B3GALT1: variants seen among roughly 807,000 people sequenced by gnomAD.
The protein encoded by B3GALT1 is beta-1,3-galactosyltransferase 1.
Under a neutral mutation model 23.2 loss-of-function variants are expected in B3GALT1, and 10 were observed. That is an observed-to-expected ratio of 0.43 (90% CI 0.27 to 0.73). B3GALT1 has a LOEUF of 0.73. Among genes scored for constraint, B3GALT1 ranks in the 30% least tolerant of loss-of-function variants. B3GALT1 has a pLI of 0.21. For synonymous variants in B3GALT1, 156 were observed against 141.5 expected (o/e 1.10, Z -0.73); for missense variants, 299 against 405.4 (o/e 0.74, Z 2.25).
intron 1 of B3GALT1, among the ~76,000 whole-genome samples, chr2:167,341,420 G>T (rs568069844): frequency 6.6e-6 from 1 of 152,304 alleles, no homozygotes; most frequent in East Asian, 1.9e-4. Flanking sequence ...CCAGCACTTT[G>T]GGAGGCCAAG....
intron 4 of B3GALT1, among the ~76,000 whole-genome samples, chr2:167,862,057 T>C (rs1289226447): frequency 6.6e-6 from 1 of 152,200 alleles, no homozygotes; most frequent in Non-Finnish European, 1.5e-5. Flanking sequence ...CAATTCGGTG[T>C]AACTGGCAAC....
intron 3 of B3GALT1, among the ~76,000 whole-genome samples, chr2:167,683,779 C>T (rs1025052431): frequency 7.2e-5 from 11 of 151,990 alleles, no homozygotes; most frequent in Admixed American, 3.9e-4. Context: ...CAAAGACAAT[C>T]CAGCTTCTGA....
chr2:167,429,155 C>T (rs961184242), intron 1 of B3GALT1, among the ~76,000 whole-genome samples: 1 of 151,798 alleles, frequency 6.6e-6, no homozygotes, highest in African/African-American at 2.4e-5. Flanking sequence ...GTGGCGGGCA[C>T]CTGTAGTCCC....
At chr2:167,502,980 A>T (rs1417640983) in intron 2 of B3GALT1, among the ~76,000 whole-genome samples, 2 of 152,172 alleles carry the variant, frequency 1.3e-5, no homozygotes, top group Non-Finnish European at 2.9e-5. Context: ...CAGAGGTTGC[A>T]GTGAGCCGAG....
chr2:167,500,725 A>G (rs1244275174), intron 2 of B3GALT1, among the ~76,000 whole-genome samples: 1 of 152,154 alleles, frequency 6.6e-6, no homozygotes, highest in Non-Finnish European at 1.5e-5. Flanking sequence ...GTCTTTAACG[A>G]TGAATATTAC....
At chr2:167,452,651 C>T (rs989685550) in intron 1 of B3GALT1, among the ~76,000 whole-genome samples, 5 of 152,146 alleles carry the variant, frequency 3.3e-5, no homozygotes, top group South Asian at 2.1e-4. Context: ...CAAAAGTACA[C>T]GATGTGAGTC....
intron 2 of B3GALT1, among the ~76,000 whole-genome samples, chr2:167,523,782 A>G (rs1683169545): frequency 6.6e-6 from 1 of 152,060 alleles, no homozygotes; most frequent in Non-Finnish European, 1.5e-5. Context: ...AGAGCAGTAT[A>G]TACACGATGT....
intron 3 of B3GALT1, among the ~76,000 whole-genome samples, chr2:167,663,834 G>T (rs572664881): frequency 0.011 from 1,633 of 151,730 alleles, 33 homozygotes; most frequent in African/African-American, 0.037. Context: ...TAAATTTGTT[G>T]GAGTTCATTG....
At chr2:167,574,650 CAT>C (rs1410440033) in intron 2 of B3GALT1, among the ~76,000 whole-genome samples, 1 of 151,422 alleles carries the variant, frequency 6.6e-6, no homozygotes, top group African/African-American at 2.4e-5. Flanking sequence ...CAAATTATAC[CAT>C]GTTTGATTTT....
intron 2 of B3GALT1, among the ~76,000 whole-genome samples, chr2:167,532,741 A>G (rs1021353594): frequency 6.6e-6 from 1 of 152,134 alleles, no homozygotes; most frequent in African/African-American, 2.4e-5. Context: ...TTGCTAGTAA[A>G]TAAAACTACA....
intron 1 of B3GALT1, among the ~76,000 whole-genome samples, chr2:167,390,792 CTGAA>C (rs142085694): frequency 4.4e-4 from 67 of 151,256 alleles, no homozygotes; most frequent in Admixed American, 1.1e-3. Flanking sequence ...TAGTAAATAT[CTGAA>C]TGAATGAATG....
At chr2:167,443,126 T>A (rs925950901) in intron 1 of B3GALT1, among the ~76,000 whole-genome samples, 4 of 152,032 alleles carry the variant, frequency 2.6e-5, no homozygotes, top group Admixed American at 1.3e-4. Flanking sequence ...ATCTATTAAA[T>A]AGGGAATCCT....
chr2:167,714,900 A>T, intron 3 of B3GALT1: 1 of 1,611,282 alleles, frequency 6.2e-7, no homozygotes, highest in South Asian at 1.1e-5. Context: ...TTTTCTTGAT[A>T]TAGTTCAGTC....
chr2:167,362,473 TA>T (rs1403231612), intron 1 of B3GALT1, among the ~76,000 whole-genome samples: 1 of 152,228 alleles, frequency 6.6e-6, no homozygotes, highest in Non-Finnish European at 1.5e-5. Flanking sequence ...CCTGTTTTAA[TA>T]AGAGCATTTT....
chr2:167,732,423 C>T (rs2105266835), intron 3 of B3GALT1, among the ~76,000 whole-genome samples: 1 of 152,318 alleles, frequency 6.6e-6, no homozygotes, highest in East Asian at 1.9e-4. Context: ...ATTTTTAAAC[C>T]TTCAGCAGAT....
rs780101453 is a variant in B3GALT1, at chr2:167,871,255, C to G, written c.*1235C>G. The stretch of plus-strand genomic sequence containing the variant: ...AAAAATGGCTGTAAAAAACACCTAC[C>G]TCACAGGTGCTGTGAGAGCAAATTG... On this transcript the variant is annotated 3_prime_UTR_variant, in exon 5 of 5. Transcript: ENST00000392690. 7 of 152,172 alleles carry G rather than the reference C, an allele frequency of 4.6e-5. No individual in the cohort carries two copies. The highest frequency in any genetic ancestry group is 1.0e-4 in the Non-Finnish European group (7 of 68,036). The allele number at this position is 152,172 out of a possible 1,614,324, so 9.4% of individuals were successfully genotyped here. A position where few individuals can be genotyped will look rare whatever the true frequency, so the allele number is the denominator to read the frequency against.
intron 2 of B3GALT1, among the ~76,000 whole-genome samples, chr2:167,542,359 C>T (rs2105374571): frequency 1.3e-5 from 2 of 152,220 alleles, no homozygotes; most frequent in East Asian, 3.9e-4. Flanking sequence ...TAACTTTCTA[C>T]AATGGGGAAC....
intron 1 of B3GALT1, among the ~76,000 whole-genome samples, chr2:167,464,444 T>G (rs530290552): frequency 6.6e-6 from 1 of 152,316 alleles, no homozygotes; most frequent in South Asian, 2.1e-4. Context: ...ACTGAAAGTT[T>G]CATGACATTC....
chr2:167,456,420 A>T (rs1196043352), intron 1 of B3GALT1, among the ~76,000 whole-genome samples: 9 of 152,226 alleles, frequency 5.9e-5, no homozygotes, highest in Admixed American at 5.9e-4. Flanking sequence ...AATGTGGAGA[A>T]GACATACATC....
Sources: allele counts gnomAD v4.1 joint callset (sites outside exome capture counted in the v4.1 genomes callset), GRCh38; gene constraint gnomAD v4.1.1; transcripts MANE v1.5; gene names NCBI Gene and HGNC (gene_info 2026-07-23, HGNC 2026-07-21).